The following NPAS3 variants were observed in gnomAD, a reference collection of about 807,000 sequenced individuals.
NPAS3 encodes the protein neuronal PAS domain protein 3, also known as neuronal PAS domain-containing protein 3.
Under a neutral mutation model 73.1 loss-of-function variants are expected in NPAS3, and 14 were observed. That is an observed-to-expected ratio of 0.19 (90% CI 0.13 to 0.30). The LOEUF is 0.30. Among genes scored for constraint, NPAS3 ranks in the 10% least tolerant of loss-of-function variants. The probability of loss-of-function intolerance (pLI) is 1.00; values close to 1 mark genes in which losing one functional copy is unlikely to be tolerated. For missense variants in NPAS3, 1,096 were observed against 1,250.0 expected (o/e 0.88, Z 1.86); for synonymous variants, 620 against 541.5 (o/e 1.14, Z -2.01).
At chr14:33,689,613 C>CA (rs1234685987) in intron 6 of NPAS3, among the ~76,000 whole-genome samples, 1 of 152,156 alleles carries the variant, frequency 6.6e-6, no homozygotes, top group East Asian at 1.9e-4. Context: ...GACGCACAGA[C>CA]ATACCCACAG....
chr14:33,645,635 A>G (rs2058808365), intron 5 of NPAS3, among the ~76,000 whole-genome samples: 2 of 152,184 alleles, frequency 1.3e-5, no homozygotes, highest in African/African-American at 4.8e-5. Context: ...AGCAGAGAGG[A>G]GCTGCCTCTG....
chr14:33,409,283 T>C (rs2047810746), intron 4 of NPAS3, among the ~76,000 whole-genome samples: 1 of 152,182 alleles, frequency 6.6e-6, no homozygotes, highest in Non-Finnish European at 1.5e-5. Flanking sequence ...TAGAAAATCT[T>C]AGTGCCTATA....
At chr14:33,350,843 C>T (rs1282127706) in intron 3 of NPAS3, among the ~76,000 whole-genome samples, 3 of 152,146 alleles carry the variant, frequency 2.0e-5, no homozygotes, top group Non-Finnish European at 4.4e-5. Context: ...GAACACTTTC[C>T]CTTAGGACTG....
At chr14:33,146,692 C>G (rs976739429) in intron 2 of NPAS3, among the ~76,000 whole-genome samples, 1 of 152,184 alleles carries the variant, frequency 6.6e-6, no homozygotes, top group Non-Finnish European at 1.5e-5. Flanking sequence ...AGTACAGTGC[C>G]TAGCACAGTT....
At chr14:33,155,014 A>G (rs2044597403) in intron 2 of NPAS3, among the ~76,000 whole-genome samples, 2 of 152,206 alleles carry the variant, frequency 1.3e-5, no homozygotes, top group Admixed American at 1.3e-4. Flanking sequence ...AAGTATTATT[A>G]TTAATTTTTT....
At chr14:33,349,580 G>T (rs140487731) in intron 3 of NPAS3, among the ~76,000 whole-genome samples, 5 of 149,962 alleles carry the variant, frequency 3.3e-5, no homozygotes, top group Non-Finnish European at 5.9e-5. Flanking sequence ...CATTATAGTT[G>T]TTTCTGCTCA....
At chr14:33,506,468 A>G (rs1212759669) in intron 4 of NPAS3, among the ~76,000 whole-genome samples, 1 of 152,048 alleles carries the variant, frequency 6.6e-6, no homozygotes, top group African/African-American at 2.4e-5. Context: ...ATTTACATGT[A>G]TTGTTGTTTT....
intron 5 of NPAS3, among the ~76,000 whole-genome samples, chr14:33,590,238 A>C (rs2139937494): frequency 6.6e-6 from 1 of 152,336 alleles, no homozygotes; most frequent in Admixed American, 6.5e-5. Flanking sequence ...GAAGTTTTCT[A>C]ATCCTGGCAT....
intron 5 of NPAS3, among the ~76,000 whole-genome samples, chr14:33,598,448 G>T (rs905991540): frequency 6.6e-6 from 1 of 152,186 alleles, no homozygotes; most frequent in African/African-American, 2.4e-5. Flanking sequence ...ATTTTCATCT[G>T]ATCAAGTGTC....
chr14:33,643,526 G>A (rs753516817), intron 5 of NPAS3, among the ~76,000 whole-genome samples: 34 of 152,110 alleles, frequency 2.2e-4, no homozygotes, highest in Admixed American at 9.8e-4. Flanking sequence ...GTAAGCTCTC[G>A]GAGTTTGCCA....
chr14:33,713,920 C>T (rs1256421450), intron 6 of NPAS3, among the ~76,000 whole-genome samples: 1 of 152,154 alleles, frequency 6.6e-6, no homozygotes, highest in African/African-American at 2.4e-5. Flanking sequence ...TGCTATTCCT[C>T]AAACACATGA....
At chr14:33,234,440 C>T (rs1475322) in intron 3 of NPAS3, among the ~76,000 whole-genome samples, 142,991 of 152,160 alleles carry the variant, frequency 0.94, 67,311 homozygotes, top group Non-Finnish European at 0.97. Flanking sequence ...AGAGATGTAT[C>T]TCTTCTAGAT....
intron 2 of NPAS3, among the ~76,000 whole-genome samples, chr14:33,145,301 G>C (rs1221630915): frequency 6.6e-6 from 1 of 152,128 alleles, no homozygotes; most frequent in Admixed American, 6.6e-5. Context: ...TATTTGTTAA[G>C]TTGACAAGAG....
chr14:33,167,251 G>A (rs1472926373), intron 2 of NPAS3, among the ~76,000 whole-genome samples: 1 of 152,090 alleles, frequency 6.6e-6, no homozygotes, highest in African/African-American at 2.4e-5. Flanking sequence ...ATCAGCTTCA[G>A]GAGTTCTATA....
At chr14:33,734,263 T>G (rs1031864605) in intron 6 of NPAS3, among the ~76,000 whole-genome samples, 2 of 152,170 alleles carry the variant, frequency 1.3e-5, no homozygotes, top group African/African-American at 4.8e-5. Context: ...TTGTTAGGCT[T>G]AAAAACCCCA....
At chr14:33,413,643 T>A (rs2048026189) in intron 4 of NPAS3, among the ~76,000 whole-genome samples, 1 of 152,164 alleles carries the variant, frequency 6.6e-6, no homozygotes, top group East Asian at 1.9e-4. Flanking sequence ...CTGAAGTTCT[T>A]GTCTAAGGAC....
At chr14:33,409,770 G>GT (rs1193535328) in intron 4 of NPAS3, among the ~76,000 whole-genome samples, 1 of 152,130 alleles carries the variant, frequency 6.6e-6, no homozygotes, top group Non-Finnish European at 1.5e-5. Context: ...ACAGAGAAGA[G>GT]TAAGAATGTA....
At chr14:33,506,056 T>C (rs865774219) in intron 4 of NPAS3, among the ~76,000 whole-genome samples, 1 of 151,968 alleles carries the variant, frequency 6.6e-6, no homozygotes, top group African/African-American at 2.4e-5. Flanking sequence ...AGCAACACTC[T>C]ATCTTATCCT....
intron 4 of NPAS3, among the ~76,000 whole-genome samples, chr14:33,533,249 A>G (rs1595100042): frequency 6.6e-6 from 1 of 152,298 alleles, no homozygotes; most frequent in East Asian, 1.9e-4. Context: ...AAAATATTAC[A>G]TCGTATAAGG....
Sources: allele counts gnomAD v4.1 joint callset (sites outside exome capture counted in the v4.1 genomes callset), GRCh38; gene constraint gnomAD v4.1.1; transcripts MANE v1.5; gene names NCBI Gene and HGNC (gene_info 2026-07-23, HGNC 2026-07-21).